The following HSDL1 variants were observed in gnomAD, a reference collection of about 807,000 sequenced individuals.
HSDL1 encodes hydroxysteroid dehydrogenase like 1.
Under a neutral mutation model 31.5 loss-of-function variants are expected in HSDL1, and 29 were observed. The observed-to-expected ratio is 0.92, with a 90% CI of 0.69 to 1.26. The LOEUF (loss-of-function observed/expected upper bound fraction) is 1.26. Among genes scored for constraint, HSDL1 ranks in the 50% most tolerant of loss-of-function variants. The pLI is 0.00. For missense variants in HSDL1, 503 were observed against 416.6 expected (o/e 1.21, Z -1.81); for synonymous variants, 222 against 155.2 (o/e 1.43, Z -3.20).
rs750583544 is a variant in HSDL1 at position 84,131,367 on chromosome 16, T to C, written c.-6-40A>G. ...AAAGAGAGAGAGCCTCTTTGATTAA[T>C]AAATTAAAGGAACATACACAGTCTG... is the stretch of plus-strand genomic sequence containing the variant. On this transcript the variant is annotated intron_variant, in intron 2 of 5. Transcript: ENST00000219439. 25 of 1,388,530 alleles carry C rather than the reference T, an allele frequency of 1.8e-5. No individual in the cohort carries two copies. In the South Asian group the frequency reaches 2.7e-4, roughly 15 times the overall value. The allele number at this position is 1,388,530 out of a possible 1,614,324, so 86.0% of individuals were successfully genotyped here.
intron 5 of HSDL1, among the ~76,000 whole-genome samples, chr16:84,125,768 TCTTTA>T (rs1476868385): frequency 6.6e-6 from 1 of 152,234 alleles, no homozygotes; most frequent in Non-Finnish European, 1.5e-5. Context: ...TACAATTCTG[TCTTTA>T]CTTAACGTGA....
At chr16:84,130,900 G>C (rs890269659) in intron 3 of HSDL1, 4 of 579,516 alleles carry the variant, frequency 6.9e-6, no homozygotes, top group Non-Finnish European at 1.2e-5. Context: ...GAGCAGAATA[G>C]GAAGGATACC....
Position 84,124,480 on chromosome 16 carries a change from C to T in HSDL1, c.*150G>A, listed in dbSNP as rs1042574498. 28 of 594,778 alleles carry T rather than the reference C, an allele frequency of 4.7e-5. No individual in the cohort carries two copies. In the East Asian group the frequency reaches 6.3e-4, roughly 13 times the overall value. 36.8% of individuals were successfully genotyped at this position (594,778 alleles called of 1,614,324 possible). A position where few individuals can be genotyped will look rare whatever the true frequency, so the allele number is the denominator to read the frequency against. The stretch of plus-strand genomic sequence containing the variant: ...CTTAAGGTTTTTCACAGCACTCTGA[C>T]GGTATTATGTGTGTTTTGCAAATGA... On this transcript the variant is annotated 3_prime_UTR_variant, in exon 6 of 6. Transcript: ENST00000219439.
intron 1 of HSDL1, among the ~76,000 whole-genome samples, chr16:84,136,973 A>G (rs2086718776): frequency 1.3e-5 from 2 of 152,216 alleles, no homozygotes; most frequent in Admixed American, 6.5e-5. Context: ...ATAGTGAACA[A>G]CACAGCGAAG....
intron 1 of HSDL1, among the ~76,000 whole-genome samples, chr16:84,139,628 C>G (rs1387315943): frequency 6.6e-6 from 1 of 152,218 alleles, no homozygotes; most frequent in African/African-American, 2.4e-5. Flanking sequence ...TTTGTTACAT[C>G]AGCCACAGGG....
At chr16:84,143,791 G>C (rs1486960522) in intron 1 of HSDL1, among the ~76,000 whole-genome samples, 2 of 150,140 alleles carry the variant, frequency 1.3e-5, no homozygotes, top group African/African-American at 4.9e-5. Flanking sequence ...GAGGCCAGGA[G>C]TTCAAGGCTA....
Position 84,124,467 on chromosome 16 carries a change from CA to C in HSDL1, c.*162del. 1.8e-6 allele frequency: 1 copy of C among 569,900 alleles called. No homozygotes were observed. The highest frequency in any genetic ancestry group is 2.9e-5 in the Admixed American group (1 of 34,946). 35.3% of individuals were successfully genotyped at this position (569,900 alleles called of 1,614,324 possible). ...CCATCCACACACCCTTAAGGTTTTTCACAGCACTCTGACGGTATTATGTGTG... is the reference window on the plus strand; with the variant it reads ...CCATCCACACACCCTTAAGGTTTTTCCAGCACTCTGACGGTATTATGTGTG... On this transcript the variant is annotated 3_prime_UTR_variant, in exon 6 of 6. Coordinates refer to ENST00000219439, the MANE Select transcript of HSDL1 (RefSeq NM_031463.5).
chr16:84,134,260 T>C (rs2086692619), intron 2 of HSDL1, among the ~76,000 whole-genome samples: 2 of 152,156 alleles, frequency 1.3e-5, no homozygotes, highest in Admixed American at 6.5e-5. Context: ...GCTGTAGCCC[T>C]TGAACAGTCA....
At chr16:84,135,187 C>A (rs576743933) in intron 2 of HSDL1, among the ~76,000 whole-genome samples, 1 of 150,510 alleles carries the variant, frequency 6.6e-6, no homozygotes, top group Non-Finnish European at 1.5e-5. Flanking sequence ...GAGCCAAGAT[C>A]GCGCCACTGC....
chr16:84,126,150 T>C (rs1441288529), intron 5 of HSDL1, among the ~76,000 whole-genome samples: 1 of 149,370 alleles, frequency 6.7e-6, no homozygotes, highest in African/African-American at 2.5e-5. Flanking sequence ...AATAAATCAG[T>C]TGGAACAGAC....
intron 2 of HSDL1, among the ~76,000 whole-genome samples, chr16:84,134,098 T>C (rs997328784): frequency 3.4e-5 from 5 of 149,016 alleles, no homozygotes; most frequent in Non-Finnish European, 7.4e-5. Flanking sequence ...TCCTTTGAAA[T>C]ATATTCAAAG....
intron 1 of HSDL1, among the ~76,000 whole-genome samples, chr16:84,141,619 C>G (rs1597381260): frequency 6.6e-6 from 1 of 152,226 alleles, no homozygotes; most frequent in Non-Finnish European, 1.5e-5. Flanking sequence ...CACACTCCCG[C>G]CAGCAGCAGG....
At chr16:84,128,747 G>C (rs951202800) in intron 5 of HSDL1, among the ~76,000 whole-genome samples, 2 of 150,142 alleles carry the variant, frequency 1.3e-5, no homozygotes, top group African/African-American at 4.9e-5. Context: ...TTGCTCTGTC[G>C]CCTAGGCTGG....
At chr16:84,128,837 A>G (rs1321366629) in intron 5 of HSDL1, among the ~76,000 whole-genome samples, 2 of 151,768 alleles carry the variant, frequency 1.3e-5, no homozygotes, top group Non-Finnish European at 2.9e-5. Context: ...CCTCCCAAGT[A>G]GCTGGGACTA....
At chr16:84,136,111 G>A (rs764542843) in intron 1 of HSDL1, among the ~76,000 whole-genome samples, 6 of 152,168 alleles carry the variant, frequency 3.9e-5, no homozygotes. Context: ...CATTGCCACG[G>A]GCTGCCCTGG....
chr16:84,137,984 T>C (rs2086728336), intron 1 of HSDL1, among the ~76,000 whole-genome samples: 1 of 152,234 alleles, frequency 6.6e-6, no homozygotes, highest in East Asian at 1.9e-4. Context: ...CCCTGATTCT[T>C]GTCTTGAATC....
rs1166198076 is a variant in HSDL1, at chr16:84,131,513, CT to C, written c.-6-187del. Among the ~76,000 whole-genome samples the C allele has an allele frequency of 2.8e-3, 420 of 151,916 alleles. 2 individuals carry two copies. Among genetic ancestry groups the C allele is most frequent in the African/African-American group, 8.7e-3 (359 of 41,414 alleles). ...TCTATCTATCTATCTATCTATCTAT[CT>C]ATCTATCTATCTATCTATCAGACAG... On this transcript the variant is annotated intron_variant, in intron 2 of 5. Transcript: ENST00000219439.
At chr16:84,133,989 T>C (rs1260234896) in intron 2 of HSDL1, among the ~76,000 whole-genome samples, 6 of 152,220 alleles carry the variant, frequency 3.9e-5, no homozygotes, top group Non-Finnish European at 7.3e-5. Context: ...ACCTAAAATA[T>C]GAGCTGTCTA....
At chr16:84,143,834 TAAAAAAA>T (rs752024972) in intron 1 of HSDL1, among the ~76,000 whole-genome samples, 2 of 112,064 alleles carry the variant, frequency 1.8e-5, no homozygotes, top group African/African-American at 3.4e-5. Flanking sequence ...CCGTCTCTAC[TAAAAAAA>T]AAAAAAAAAA....
Sources: allele counts gnomAD v4.1 joint callset (sites outside exome capture counted in the v4.1 genomes callset), GRCh38; gene constraint gnomAD v4.1.1; transcripts MANE v1.5; gene names NCBI Gene and HGNC (gene_info 2026-07-23, HGNC 2026-07-21).